Variants in LOC400499 observed in about 807,000 individuals in gnomAD.
At chr16:11,417,261 C>G in the LOC400499 span, among the ~76,000 whole-genome samples, 550 of 152,266 alleles carry the variant, frequency 3.6e-3, no homozygotes, top group African/African-American at 0.012. Context: ...GGGTCTCATT[C>G]TGTCACCCAG....
At chr16:11,496,626 G>A in the LOC400499 span, among the ~76,000 whole-genome samples, 4 of 152,146 alleles carry the variant, frequency 2.6e-5, no homozygotes, top group Non-Finnish European at 5.9e-5. Flanking sequence ...TGGGCATCTC[G>A]TGTGTCCCAT....
chr16:11,435,934 G>T, the LOC400499 span: 1 of 398,898 alleles, frequency 2.5e-6, no homozygotes, highest in Non-Finnish European at 4.4e-6. Context: ...GGGTGTGGGG[G>T]AGGGCTGCCT....
chr16:11,393,260 C>A, the LOC400499 span: 15 of 654,162 alleles, frequency 2.3e-5, no homozygotes, highest in Non-Finnish European at 2.7e-5. Context: ...TCCCAAAGTG[C>A]TAGGATTACA....
chr16:11,509,183 T>C, the LOC400499 span, among the ~76,000 whole-genome samples: 77 of 148,468 alleles, frequency 5.2e-4, no homozygotes, highest in African/African-American at 1.9e-3. Context: ...AGTGGCGCGA[T>C]CTCGGCTCAC....
the LOC400499 span, chr16:11,478,098 AG>A: frequency 7.6e-6 from 3 of 393,516 alleles, no homozygotes; most frequent in African/African-American, 6.2e-5. Flanking sequence ...GGATCATTTG[AG>A]CCCAAGAGTT....
the LOC400499 span, among the ~76,000 whole-genome samples, chr16:11,435,457 G>A: frequency 6.6e-6 from 1 of 152,010 alleles, no homozygotes; most frequent in Non-Finnish European, 1.5e-5. Flanking sequence ...TCATAACAAC[G>A]CAAAAAAGAA....
chr16:11,424,946 T>A, the LOC400499 span, among the ~76,000 whole-genome samples: 1 of 152,136 alleles, frequency 6.6e-6, no homozygotes, highest in African/African-American at 2.4e-5. Flanking sequence ...TGAAGCTGCA[T>A]GTTCTGGCTG....
the LOC400499 span, chr16:11,484,732 T>A: frequency 1.3e-5 from 5 of 396,986 alleles, no homozygotes; most frequent in African/African-American, 4.1e-5. Context: ...ACCAGTGGAC[T>A]ACTCAGATTT....
chr16:11,372,579 G>A, the LOC400499 span: 7 of 197,412 alleles, frequency 3.5e-5, no homozygotes, highest in African/African-American at 9.5e-5. Flanking sequence ...CCCTGCTTCC[G>A]TGCGTTTGCA....
chr16:11,470,217 T>C, the LOC400499 span, among the ~76,000 whole-genome samples: 1 of 152,148 alleles, frequency 6.6e-6, no homozygotes, highest in African/African-American at 2.4e-5. Context: ...GCCTCTCCCA[T>C]CCTTTTAACC....
At chr16:11,421,603 C>G in the LOC400499 span, among the ~76,000 whole-genome samples, 1 of 152,274 alleles carries the variant, frequency 6.6e-6, no homozygotes, top group African/African-American at 2.4e-5. Context: ...AGGGTTTTAC[C>G]ATGTTGGCCA....
the LOC400499 span, among the ~76,000 whole-genome samples, chr16:11,526,590 T>A: frequency 1.3e-5 from 2 of 152,372 alleles, no homozygotes; most frequent in South Asian, 4.1e-4. Flanking sequence ...ATCTCATTAA[T>A]ACTTCCTATT....
Sources: allele counts gnomAD v4.1 joint callset (sites outside exome capture counted in the v4.1 genomes callset), GRCh38; gene constraint gnomAD v4.1.1; transcripts MANE v1.5.